Variants in SNAPC4 observed in about 807,000 individuals in gnomAD.
SNAPC4 encodes small nuclear RNA activating complex polypeptide 4.
A neutral mutation model predicts 151.3 loss-of-function variants in SNAPC4; 127 were observed. The observed-to-expected ratio is 0.84, with a 90% confidence interval of 0.73 to 0.97. The LOEUF is 0.97. Ranked by LOEUF, SNAPC4 falls within the 50% of genes least tolerant of loss-of-function variation. The pLI, the probability that SNAPC4 is intolerant of heterozygous loss-of-function variation, is 0.00. For missense variants in SNAPC4, 2,186 were observed against 1,935.0 expected (o/e 1.13, Z -2.43); for synonymous variants, 1,002 against 824.4 (o/e 1.22, Z -3.69).
chr9:136,397,399 G>A (rs1327759980), intron 2 of SNAPC4, among the ~76,000 whole-genome samples: 1 of 151,522 alleles, frequency 6.6e-6, no homozygotes, highest in Non-Finnish European at 1.5e-5. Flanking sequence ...CCTCACCACA[G>A]GAGAAAGATA....
intron 21 of SNAPC4, among the ~76,000 whole-genome samples, 191 bp from the exon 22 acceptor site, chr9:136,379,490 G>A (rs1279980682): frequency 5.3e-5 from 8 of 152,208 alleles, no homozygotes; most frequent in Non-Finnish European, 1.2e-4. Flanking sequence ...TCCGGCCAAA[G>A]CCAGGGCAGT....
chr9:136,377,266 C>A lies in SNAPC4; in HGVS notation c.4284+277G>T, dbSNP rs553964098. 1.6e-4 allele frequency among the ~76,000 whole-genome samples: 24 copies of A among 152,344 alleles called. 2 individuals are homozygous for A. In the South Asian group the frequency reaches 4.6e-3, roughly 29 times the overall value. On this transcript the variant is annotated intron_variant, in intron 22 of 23. Coordinates refer to ENST00000684778, the MANE Select transcript of SNAPC4 (RefSeq NM_003086.4). ...CCCAGAGCTTCTCGCTCAGACAAGG[C>A]CACCTGGCTGGGCAGCATCAGGATG...
intron 21 of SNAPC4, 148 bp from the exon 22 acceptor site, chr9:136,379,447 C>T: frequency 7.5e-7 from 1 of 1,327,444 alleles, no homozygotes; most frequent in Non-Finnish European, 1.0e-6. Flanking sequence ...CCTGGGTCTC[C>T]CAAGTCACAG....
rs199783120 is a variant in SNAPC4 at position 136,392,599 on chromosome 9, T to A, written c.738-5A>T. The A allele has an allele frequency of 6.2e-6, 10 of 1,613,648 alleles. No individual in the cohort carries two copies. The African/African-American group carries it at 6.7e-5, about 11-fold the overall frequency. On this transcript the variant is annotated splice_polypyrimidine_tract_variant and splice_region_variant and intron_variant, in intron 8 of 23. Transcript: ENST00000684778. ...AAGGCCTCTTCTGGAAGCTGGCTGGTGGAAGGGATGAGGGTATTGGCACCA... is the reference window on the plus strand; with the variant it reads ...AAGGCCTCTTCTGGAAGCTGGCTGGAGGAAGGGATGAGGGTATTGGCACCA...
chr9:136,392,493 C>T (rs1369700977), intron 9 of SNAPC4, 29 bp downstream of exon 9: 6 of 1,608,250 alleles, frequency 3.7e-6, no homozygotes, highest in Non-Finnish European at 5.1e-6. Context: ...CTCCAAGCTG[C>T]TTGGGGCTCA....
intron 5 of SNAPC4, 69 bp downstream of exon 5, chr9:136,395,229 G>A: frequency 1.4e-5 from 22 of 1,555,198 alleles, no homozygotes; most frequent in Non-Finnish European, 1.8e-5. Context: ...CCTGCAGCAG[G>A]ACTTGGGGAC....
rs555809543 is a variant in SNAPC4 at position 136,379,517 on chromosome 9, C to G, written c.2528-218G>C. Among the ~76,000 whole-genome samples the G allele has an allele frequency of 1.0e-3, 156 of 152,338 alleles. 1 individual carries two copies. The highest frequency in any genetic ancestry group is 1.8e-3 in the Non-Finnish European group (125 of 68,018). ...CAGGGCAGTGGGCACTCTGGGAAAC[C>G]CAGCCCATTTAATGCTGGCTGAGAT... On this transcript the variant is annotated intron_variant, in intron 21 of 23. Transcript: ENST00000684778.
In SNAPC4 at chr9:136,383,114, C is replaced by T; in HGVS notation, c.1983+72G>A. Reference sequence around the variant, plus strand: ...CCTGGGGCCCCTGCTGCTGCACTATCCCCAAGCGTCAGCCCTGGCGAGCGA... The same window carrying T: ...CCTGGGGCCCCTGCTGCTGCACTATTCCCAAGCGTCAGCCCTGGCGAGCGA... On this transcript the variant is annotated intron_variant, in intron 16 of 23. Coordinates refer to ENST00000684778, the MANE Select transcript of SNAPC4 (RefSeq NM_003086.4). This position sits in a 1 kb window ranked among gnomAD's most constrained non-coding sequence, Gnocchi z 4.2. 1 of 1,492,214 alleles carries T rather than the reference C, an allele frequency of 6.7e-7. No homozygotes were observed. 92.4% of individuals were successfully genotyped at this position (1,492,214 alleles called of 1,614,324 possible). A position where few individuals can be genotyped will look rare whatever the true frequency, so the allele number is the denominator to read the frequency against.
rs775669636 is a variant in SNAPC4, at chr9:136,391,944, C to T, written c.973G>A (p.Gly325Arg). 9.4e-6 allele frequency: 15 copies of T among 1,601,944 alleles called. No homozygotes were observed. The highest frequency in any genetic ancestry group is 6.6e-5 in the South Asian group (6 of 91,054). ...TGGGGTCCAGGCCAGGCCCTTACCC[C>T]CAGCTCCTCTGCAATCTTCTGCCAC... ...LEWQKIAEEL[G>R]TSRSAFQCLQ... is the part of the protein sequence containing the mutation. Residue 325 changes from glycine to arginine, a missense_variant and splice_region_variant, in exon 10 of 24, where the codon GGG becomes AGG. Coordinates refer to ENST00000684778, the MANE Select transcript of SNAPC4 (RefSeq NM_003086.4).
intron 17 of SNAPC4, 26 bp downstream of exon 17, chr9:136,382,227 G>C: frequency 6.2e-7 from 1 of 1,609,098 alleles, no homozygotes; most frequent in Non-Finnish European, 8.5e-7. Context: ...GGTGGCGTGC[G>C]CGTGGGTGTC....
At position 136,383,716 on chromosome 9, in the gene SNAPC4, C is replaced by T. The variant is rs781084740; in HGVS notation, c.1501-48G>A. 1.3e-6 allele frequency: 2 copies of T among 1,561,230 alleles called. No homozygotes were observed. The highest frequency in any genetic ancestry group is 2.4e-5 in the South Asian group (2 of 82,314). On this transcript the variant is annotated intron_variant, in intron 15 of 23. Coordinates refer to ENST00000684778, the MANE Select transcript of SNAPC4 (RefSeq NM_003086.4). This position sits in a 1 kb window ranked among gnomAD's most constrained non-coding sequence, Gnocchi z 4.2. ...TAGAGGCCTTGGCAAGCCCGGTTCACCCATGATGGCAGCAAGCAGGCCAGC... is the reference window on the plus strand; with the variant it reads ...TAGAGGCCTTGGCAAGCCCGGTTCATCCATGATGGCAGCAAGCAGGCCAGC...
At chr9:136,393,948 C>T (rs1426249777) in intron 7 of SNAPC4, among the ~76,000 whole-genome samples, 3 of 152,236 alleles carry the variant, frequency 2.0e-5, no homozygotes, top group Admixed American at 1.3e-4. Flanking sequence ...GACAGGGTCT[C>T]GCTCTGTCAC....
intron 1 of SNAPC4, among the ~76,000 whole-genome samples, chr9:136,399,814 C>A (rs939760475): frequency 6.6e-6 from 1 of 152,214 alleles, no homozygotes; most frequent in Non-Finnish European, 1.5e-5. Context: ...GAAACCCCCT[C>A]CGAGGCTCGG....
At chr9:136,393,918 G>A (rs949312253) in intron 7 of SNAPC4, among the ~76,000 whole-genome samples, 1 of 152,242 alleles carries the variant, frequency 6.6e-6, no homozygotes. Context: ...GCCAGGAAAG[G>A]CTGTTGTGTT....
intron 13 of SNAPC4, 100 bp downstream of exon 13, chr9:136,387,385 C>A (rs1042887914): frequency 1.2e-6 from 1 of 861,638 alleles, no homozygotes; most frequent in Non-Finnish European, 2.0e-6. Context: ...CCTCGCCCAG[C>A]GCTGGCCGCT....
At chr9:136,386,276 C>A (rs1477179406) in intron 13 of SNAPC4, among the ~76,000 whole-genome samples, 14 of 152,034 alleles carry the variant, frequency 9.2e-5, no homozygotes, top group African/African-American at 2.7e-4. Context: ...TTTGGAGAGA[C>A]GGCCACTCAA....
chr9:136,393,942 G>A lies in SNAPC4; in HGVS notation c.632+307C>T, dbSNP rs944230302. The stretch of plus-strand genomic sequence containing the variant: ...GGCTGTTGTGTTTGTTTTTGAGACA[G>A]GGTCTCGCTCTGTCACCCAGGCTGG... On this transcript the variant is annotated intron_variant, in intron 7 of 23. Transcript: ENST00000684778. Among the ~76,000 whole-genome samples the A allele has an allele frequency of 4.6e-5, 7 of 152,362 alleles. No individual in the cohort carries two copies. The East Asian group carries it at 1.3e-3, about 29-fold the overall frequency.
intron 14 of SNAPC4, 102 bp from the exon 15 acceptor site, chr9:136,384,134 A>G (rs1833810038): frequency 1.1e-6 from 1 of 923,770 alleles, no homozygotes; most frequent in Non-Finnish European, 1.7e-6. Context: ...ATCAGAGTGG[A>G]GCCTCCTGTG....
chr9:136,383,968 C>T lies in SNAPC4; in HGVS notation c.1485G>A (p.Trp495Ter), dbSNP rs751474762. 9 of 1,613,644 alleles carry T rather than the reference C, an allele frequency of 5.6e-6. No individual in the cohort carries two copies. Among genetic ancestry groups the T allele is most frequent in the South Asian group, 2.2e-5 (2 of 91,076 alleles). Residue 495 changes from tryptophan (W) to a stop codon, truncating the protein, a stop_gained, in exon 15 of 24, where the codon TGG (tryptophan) becomes TGA (stop). Transcript: ENST00000684778. LOFTEE classifies it high-confidence loss of function. This position sits in a 1 kb window ranked among gnomAD's most constrained non-coding sequence, Gnocchi z 4.2. ...HRSGSQCLSK[W>*]KIMMGKKQGL... ...AGTGGCTCACCCCCATCATGATCTT[C>T]CACTTGCTCAGACACTGGGAGCCAG... is the stretch of plus-strand genomic sequence containing the variant.
Sources: gnomAD v4.1 joint callset for allele counts (sites outside exome capture counted in the v4.1 genomes callset) on GRCh38, gnomAD v4.1.1 for gene constraint, Gnocchi (gnomAD v3.1) non-coding constraint, MANE v1.5 for transcripts, NCBI Gene and HGNC (gene_info 2026-07-23, HGNC 2026-07-21) for gene names.